Variants in TEX14 observed in about 807,000 individuals in gnomAD.
TEX14 encodes the protein testis expressed 14, intercellular bridge forming factor.
TEX14 carries 168 observed loss-of-function variants against 178.6 expected under a neutral mutation model. The observed-to-expected ratio is 0.94, with a 90% CI of 0.83 to 1.07. The LOEUF (loss-of-function observed/expected upper bound fraction) is 1.07, where lower values mean the gene tolerates loss of function less well. Among genes scored for constraint, TEX14 ranks in the 50% least tolerant of loss-of-function variants. The probability of loss-of-function intolerance (pLI) is 0.00; values close to 1 mark genes in which losing one functional copy is unlikely to be tolerated. For synonymous variants in TEX14, 626 were observed against 634.1 expected (o/e 0.99, Z 0.19); for missense variants, 1,730 against 1,753.6 (o/e 0.99, Z 0.24).
intron 2 of TEX14, chr17:58,631,785 A>G (rs982251189): frequency 1.3e-5 from 2 of 152,124 alleles, no homozygotes; most frequent in Non-Finnish European, 2.9e-5. Context: ...ACACGTTCAG[A>G]TATACTCCTC....
chr17:58,622,760 G>T, intron 4 of TEX14, 87 bp downstream of exon 4: 1 of 1,328,514 alleles, frequency 7.5e-7, no homozygotes, highest in Non-Finnish European at 1.0e-6. Context: ...TAAGGCCACT[G>T]TACGCTCTGT....
At chr17:58,661,578 A>G (rs1466789917) in intron 1 of TEX14, 2 of 732,694 alleles carry the variant, frequency 2.7e-6, no homozygotes, top group Non-Finnish European at 5.0e-6. Context: ...GGCGGCAGGA[A>G]CTCGTCTTCA....
At chr17:58,667,399 C>CT (rs939621221) in intron 1 of TEX14, among the ~76,000 whole-genome samples, 7 of 152,162 alleles carry the variant, frequency 4.6e-5, no homozygotes, top group African/African-American at 1.4e-4. Context: ...TAACGAACAG[C>CT]TTAAACCTTA....
At position 58,616,197 on chromosome 17, in the gene TEX14, C is replaced by T. The variant is rs776991698; in HGVS notation, c.745G>A (p.Gly249Ser). The T allele has an allele frequency of 2.9e-5, 47 of 1,613,526 alleles. No homozygotes were observed. Among genetic ancestry groups the T allele is most frequent in the South Asian group, 2.1e-4 (19 of 91,020 alleles). Residue 249 changes from glycine to serine, a missense_variant, in exon 7 of 32, where the codon GGC (glycine) becomes AGC (serine). By Grantham distance (56) the Gly-to-Ser change is moderately conservative. Transcript: ENST00000349033. The part of the protein sequence containing the change: ...DDEPTFSFFS[G>S]PYMVMTNLVW... The stretch of plus-strand genomic sequence containing the variant: ...TACTTGGTCATGACCATGTAGGGGC[C>T]GCTGAAGAAAGAGAAGGTGGGCTCA...
At chr17:58,568,852 T>TG (rs1230846113) in intron 26 of TEX14, among the ~76,000 whole-genome samples, 2 of 152,180 alleles carry the variant, frequency 1.3e-5, no homozygotes, top group African/African-American at 4.8e-5. Context: ...CTCAAAGGAA[T>TG]GGCTGGTTTG....
rs775596455 is a variant in TEX14 at position 58,559,546 on chromosome 17, C to T, written c.4174G>A (p.Asp1392Asn). 13 of 1,546,300 alleles carry T rather than the reference C, an allele frequency of 8.4e-6. No individual in the cohort carries two copies. The highest frequency in any genetic ancestry group is 3.3e-5 in the Admixed American group (2 of 59,814). The change falls in exon 30 of 32, where the codon GAT becomes AAT. Residue 1392 changes from aspartate (D) to asparagine (N), a missense_variant. By Grantham distance (23) the Asp-to-Asn change is conservative. Transcript: ENST00000349033. ...CTTTTCTCTTCACCAACTTTTTGAT[C>T]TTTGATATTTGTCTCCCTGTAACAA... Reference protein sequence around the residue: ...KGSERETNIKDQKVGEEKRKR... With the variant: ...KGSERETNIKNQKVGEEKRKR...
chr17:58,593,361 T>A (rs1036024768), intron 15 of TEX14, among the ~76,000 whole-genome samples, 194 bp downstream of exon 15: 2 of 152,218 alleles, frequency 1.3e-5, no homozygotes, highest in African/African-American at 4.8e-5. Flanking sequence ...CCACTTGGGC[T>A]TTGATGTCTC....
intron 1 of TEX14, among the ~76,000 whole-genome samples, chr17:58,691,227 C>G (rs2047710728): frequency 6.6e-6 from 1 of 152,162 alleles, no homozygotes; most frequent in African/African-American, 2.4e-5. Context: ...TTCCTTTTGG[C>G]ATGGCTATGG....
intron 21 of TEX14, among the ~76,000 whole-genome samples, chr17:58,574,675 CAAAAAAAAAAAAA>C (rs1177255314): frequency 0.016 from 700 of 43,894 alleles, 15 homozygotes; most frequent in African/African-American, 0.058. Flanking sequence ...ACTCCATCTC[CAAAAAAAAAAAAA>C]AAAAAAAAAA....
chr17:58,678,478 C>T (rs896899327), intron 1 of TEX14, among the ~76,000 whole-genome samples: 4 of 152,154 alleles, frequency 2.6e-5, no homozygotes, highest in South Asian at 4.2e-4. Context: ...ATATACACCA[C>T]GGAACACTAT....
chr17:58,688,163 C>A (rs773439316), intron 1 of TEX14, among the ~76,000 whole-genome samples: 40 of 152,050 alleles, frequency 2.6e-4, no homozygotes, highest in Non-Finnish European at 4.7e-4. Flanking sequence ...TCTTGTCGCC[C>A]AGGCTGGAGT....
At position 58,561,565 on chromosome 17, in the gene TEX14, G is replaced by C; in HGVS notation, c.4112C>G (p.Pro1371Arg). 1 of 1,614,098 alleles carries C rather than the reference G, an allele frequency of 6.2e-7. No homozygotes were observed. Among genetic ancestry groups the C allele is most frequent in the South Asian group, 1.1e-5 (1 of 91,082 alleles). Residue 1371 changes from proline (P) to arginine (R), a missense_variant, in exon 29 of 32, where the codon CCT becomes CGT. Physicochemically the swap from Pro to Arg is moderately radical, Grantham distance 103 (BLOSUM62 -2). Around this residue, in one of 2 missense-constraint regions of TEX14, gnomAD observed 941 missense variants for 1,072.4 expected, o/e 0.88. Coordinates refer to ENST00000349033, the MANE Select transcript of TEX14 (RefSeq NM_031272.5). ...GTCTTGTAGCTCCACGCTCTCCTCA[G>C]GTGGCTGCAGCCATCTTTCCAGGTC... ...DEDLERWLQP[P>R]EESVELQDLP...
At chr17:58,573,052 G>C in intron 23 of TEX14, 129 bp downstream of exon 23, 1 of 1,312,724 alleles carries the variant, frequency 7.6e-7, no homozygotes, top group Non-Finnish European at 1.0e-6. Flanking sequence ...CCCAGTTTTG[G>C]CCCTAAAGAA....
intron 1 of TEX14, among the ~76,000 whole-genome samples, chr17:58,688,808 G>C (rs182478): frequency 4.0e-5 from 6 of 150,156 alleles, no homozygotes; most frequent in Non-Finnish European, 4.5e-5. Context: ...ACATATTCCC[G>C]GGGGGGGTTT....
At chr17:58,677,795 G>C (rs2047419124) in intron 1 of TEX14, 1 of 152,120 alleles carries the variant, frequency 6.6e-6, no homozygotes, top group Non-Finnish European at 1.5e-5. Flanking sequence ...CTTCACATAG[G>C]GTCACTCTTC....
At chr17:58,678,788 C>T (rs1421468874) in intron 1 of TEX14, among the ~76,000 whole-genome samples, 2 of 148,920 alleles carry the variant, frequency 1.3e-5, no homozygotes, top group Non-Finnish European at 1.5e-5. Context: ...CAAACCTGCA[C>T]GTTGTGCACA....
At chr17:58,561,738 A>C in intron 28 of TEX14, 126 bp from the exon 29 acceptor site, 1 of 640,434 alleles carries the variant, frequency 1.6e-6, no homozygotes, top group Non-Finnish European at 2.8e-6. Flanking sequence ...GTATGAAAAA[A>C]CAAGAGCTCA....
intron 10 of TEX14, among the ~76,000 whole-genome samples, chr17:58,608,432 AT>A (rs1875621301): frequency 6.6e-6 from 1 of 151,008 alleles, no homozygotes; most frequent in Admixed American, 6.6e-5. Flanking sequence ...AAAAAAAAAA[AT>A]TAGCTGGATG....
intron 1 of TEX14, among the ~76,000 whole-genome samples, chr17:58,653,053 C>A (rs550476101): frequency 6.6e-6 from 1 of 152,168 alleles, no homozygotes; most frequent in South Asian, 2.1e-4. Context: ...CCTCCTGCCT[C>A]AGCCTCCCGA....
Sources: allele counts gnomAD v4.1 joint callset (sites outside exome capture counted in the v4.1 genomes callset), GRCh38; gene constraint gnomAD v4.1.1; regional missense constraint gnomAD v4.1.1; transcripts MANE v1.5; gene names NCBI Gene and HGNC (gene_info 2026-07-23, HGNC 2026-07-21).